The following PSD3 variants were observed in gnomAD, a reference collection of about 807,000 sequenced individuals.
PSD3 encodes the protein pleckstrin and Sec7 domain containing 3.
A neutral mutation model predicts 105.5 loss-of-function variants in PSD3; 49 were observed. The ratio of observed to expected loss-of-function variants is 0.46; its 90% CI spans 0.37 to 0.59. The LOEUF is 0.59. PSD3 is among the 20% of genes least tolerant of loss of function. The pLI, the probability that PSD3 is intolerant of heterozygous loss-of-function variation, is 0.00. For missense variants in PSD3, 1,561 were observed against 1,263.8 expected, an observed-to-expected ratio of 1.24 and a Z score of -3.57; for synonymous variants, 557 against 457.8, an observed-to-expected ratio of 1.22 and a Z score of -2.77.
intron 15 of PSD3, among the ~76,000 whole-genome samples, chr8:18,548,854 G>C (rs1800600532): frequency 6.6e-6 from 1 of 152,162 alleles, no homozygotes; most frequent in South Asian, 2.1e-4. Flanking sequence ...AGCTTGGGGA[G>C]AACTTTCTGA....
chr8:18,667,761 A>C (rs1345797018), intron 9 of PSD3, among the ~76,000 whole-genome samples: 2 of 152,136 alleles, frequency 1.3e-5, no homozygotes, highest in Non-Finnish European at 2.9e-5. Context: ...CAGGCGGGGC[A>C]AGGAGCCCAT....
At chr8:18,657,630 G>A (rs1808998508) in intron 9 of PSD3, among the ~76,000 whole-genome samples, 1 of 151,686 alleles carries the variant, frequency 6.6e-6, no homozygotes, top group African/African-American at 2.4e-5. Flanking sequence ...AATGTATCAG[G>A]AGGCTGAACA....
At chr8:19,063,293 C>A (rs1487310962) in intron 1 of PSD3, among the ~76,000 whole-genome samples, 1 of 152,124 alleles carries the variant, frequency 6.6e-6, no homozygotes, top group Admixed American at 6.5e-5. Context: ...TATTAGCTAA[C>A]CAAAATATTT....
chr8:18,828,283 C>T (rs1299827891), intron 4 of PSD3, among the ~76,000 whole-genome samples: 1 of 151,546 alleles, frequency 6.6e-6, no homozygotes, highest in African/African-American at 2.4e-5. Flanking sequence ...CAAAAATCCA[C>T]CCAAAAAATG....
chr8:18,584,470 C>G (rs1024420714), intron 12 of PSD3, among the ~76,000 whole-genome samples: 1 of 152,208 alleles, frequency 6.6e-6, no homozygotes, highest in African/African-American at 2.4e-5. Context: ...CTTTACAATA[C>G]TGAGTAGGTT....
chr8:19,027,603 C>T (rs1827602307), intron 1 of PSD3, among the ~76,000 whole-genome samples: 4 of 152,304 alleles, frequency 2.6e-5, no homozygotes, highest in South Asian at 2.1e-4. Flanking sequence ...GCAATCCCAT[C>T]CCTGTGGATG....
intron 9 of PSD3, among the ~76,000 whole-genome samples, chr8:18,672,106 T>G (rs1266967554): frequency 6.6e-6 from 1 of 152,344 alleles, no homozygotes; most frequent in Middle Eastern, 3.4e-3. Flanking sequence ...TCCATCTTGT[T>G]GGTAAGCCTT....
intron 15 of PSD3, among the ~76,000 whole-genome samples, 156 bp downstream of exon 15, chr8:18,556,053 A>T (rs1390696359): frequency 2.0e-5 from 3 of 152,212 alleles, no homozygotes; most frequent in Non-Finnish European, 4.4e-5. Context: ...AATCACAAAC[A>T]AGAGGGGCCA....
chr8:18,834,473 A>G (rs1386911458), intron 4 of PSD3, among the ~76,000 whole-genome samples: 1 of 152,208 alleles, frequency 6.6e-6, no homozygotes, highest in Non-Finnish European at 1.5e-5. Context: ...AGAGAAGTCA[A>G]TTCATCCACA....
chr8:18,838,483 G>T (rs1041610322), intron 4 of PSD3, among the ~76,000 whole-genome samples: 4 of 152,110 alleles, frequency 2.6e-5, no homozygotes, highest in African/African-American at 9.7e-5. Flanking sequence ...AACTGAGTAT[G>T]TGCAAACCAA....
intron 11 of PSD3, among the ~76,000 whole-genome samples, chr8:18,617,830 G>C (rs1307841584): frequency 6.6e-6 from 1 of 152,084 alleles, no homozygotes; most frequent in Non-Finnish European, 1.5e-5. Flanking sequence ...CTCTAATATA[G>C]CATCACATGA....
At chr8:18,962,505 A>G (rs1477809824) in intron 1 of PSD3, among the ~76,000 whole-genome samples, 1 of 152,194 alleles carries the variant, frequency 6.6e-6, no homozygotes, top group African/African-American at 2.4e-5. Context: ...TATTTTGGAA[A>G]AAAAATGGCA....
chr8:18,920,450 G>A (rs775048769), intron 2 of PSD3, among the ~76,000 whole-genome samples: 11 of 152,292 alleles, frequency 7.2e-5, no homozygotes, highest in African/African-American at 1.7e-4. Flanking sequence ...CAGATACAGC[G>A]GTATTGAAAT....
intron 4 of PSD3, among the ~76,000 whole-genome samples, chr8:18,815,968 C>A (rs1251914455): frequency 6.6e-6 from 1 of 152,138 alleles, no homozygotes; most frequent in Non-Finnish European, 1.5e-5. Flanking sequence ...AATTAGTACC[C>A]TGGCAAGAAT....
chr8:18,682,827 G>A (rs1322826134), intron 9 of PSD3, among the ~76,000 whole-genome samples: 1 of 152,098 alleles, frequency 6.6e-6, no homozygotes, highest in African/African-American at 2.4e-5. Flanking sequence ...GGAGGGTGAA[G>A]AAAGCCTGAT....
intron 8 of PSD3, among the ~76,000 whole-genome samples, chr8:18,770,891 CACAA>C (rs1258414467): frequency 1.3e-5 from 2 of 152,164 alleles, no homozygotes; most frequent in African/African-American, 4.8e-5. Flanking sequence ...AAAGAGGTTG[CACAA>C]ACAAATTGGA....
chr8:18,540,378 C>T (rs1418515029), intron 15 of PSD3, among the ~76,000 whole-genome samples: 1 of 152,096 alleles, frequency 6.6e-6, no homozygotes, highest in Non-Finnish European at 1.5e-5. Context: ...TGGAACTGAA[C>T]CTGCAGTATC....
At chr8:19,034,748 C>T (rs1392220537) in intron 1 of PSD3, among the ~76,000 whole-genome samples, 1 of 152,158 alleles carries the variant, frequency 6.6e-6, no homozygotes, top group Non-Finnish European at 1.5e-5. Context: ...TCACATCACG[C>T]TGAATCACAC....
In PSD3 at chr8:18,913,933, C is replaced by G. The variant is rs551200201; in HGVS notation, c.130+22101G>C. Among the ~76,000 whole-genome samples the G allele has an allele frequency of 4.7e-4, 72 of 152,292 alleles. 3 individuals are homozygous for G. Among genetic ancestry groups the G allele is most frequent in the Middle Eastern group, 3.4e-3 (1 of 294 alleles). On this transcript the variant is annotated intron_variant, in intron 2 of 15. Transcript: ENST00000327040. ...CAGCACCAGGCTGGCCCCTGCAGAT[C>G]CATGCTCTGGGCCTGTCCTCACAAA...
Sources: gnomAD v4.1 joint callset for allele counts (sites outside exome capture counted in the v4.1 genomes callset) on GRCh38, gnomAD v4.1.1 for gene constraint, MANE v1.5 for transcripts, NCBI Gene and HGNC (gene_info 2026-07-23, HGNC 2026-07-21) for gene names.